Variants in ARHGEF28 observed in about 807,000 individuals in gnomAD.
ARHGEF28 encodes the protein 190 kDa guanine nucleotide exchange factor.
ARHGEF28 carries 152 observed loss-of-function variants against 206.6 expected under a neutral mutation model. That is an observed-to-expected ratio of 0.74 (90% CI 0.64 to 0.84). The LOEUF (loss-of-function observed/expected upper bound fraction) is 0.84. ARHGEF28 is among the 40% of genes least tolerant of loss of function. The pLI is 0.00. For synonymous variants in ARHGEF28, 763 were observed against 776.4 expected, an observed-to-expected ratio of 0.98 and a Z score of 0.29; for missense variants, 2,028 against 2,073.2, an observed-to-expected ratio of 0.98 and a Z score of 0.42.
At chr5:73,727,813 T>G (rs752300970) in intron 2 of ARHGEF28, among the ~76,000 whole-genome samples, 4 of 152,166 alleles carry the variant, frequency 2.6e-5, no homozygotes, top group Non-Finnish European at 4.4e-5. Flanking sequence ...TTGAACAGAA[T>G]CCCTCAGCAG....
At chr5:73,790,489 T>C (rs1375816541) in intron 7 of ARHGEF28, among the ~76,000 whole-genome samples, 1 of 152,196 alleles carries the variant, frequency 6.6e-6, no homozygotes, top group Non-Finnish European at 1.5e-5. Flanking sequence ...TTCTTCCATC[T>C]TGGTTTCTTC....
chr5:73,748,030 T>A (rs1483355100), intron 2 of ARHGEF28, among the ~76,000 whole-genome samples: 14 of 152,094 alleles, frequency 9.2e-5, no homozygotes, highest in Admixed American at 9.2e-4. Context: ...TTTTTTTATT[T>A]AAAAAAAATC....
chr5:73,913,151 G>C (rs1332675715), intron 35 of ARHGEF28, among the ~76,000 whole-genome samples: 2 of 152,228 alleles, frequency 1.3e-5, no homozygotes, highest in African/African-American at 4.8e-5. Context: ...GAAATGCTGA[G>C]AAATGTACTT....
chr5:73,806,346 GTAGA>G (rs1421992336), intron 9 of ARHGEF28, among the ~76,000 whole-genome samples: 1 of 120,528 alleles, frequency 8.3e-6, no homozygotes, highest in African/African-American at 3.4e-5. Context: ...TATATACTAT[GTAGA>G]TATACTATCT....
intron 2 of ARHGEF28, among the ~76,000 whole-genome samples, chr5:73,738,654 C>G (rs1751176240): frequency 6.6e-6 from 1 of 152,034 alleles, no homozygotes; most frequent in South Asian, 2.1e-4. Context: ...AGGAGAGGGA[C>G]TGCCTGTGGA....
At chr5:73,675,189 A>T (rs1746576110) in intron 1 of ARHGEF28, among the ~76,000 whole-genome samples, 1 of 152,168 alleles carries the variant, frequency 6.6e-6, no homozygotes, top group South Asian at 2.1e-4. Context: ...TAGTATGGGA[A>T]TTGGAGGACA....
In ARHGEF28 at chr5:73,753,074, A is replaced by G; in HGVS notation, c.347A>G (p.Gln116Arg). ...QANRLTACSH[Q>R]TLLTPFALTA... ...AATCGCCTCACAGCCTGCAGCCACCAGACCCTGCTGACCCCATTTGCCTTG... is the reference window on the plus strand; with the variant it reads ...AATCGCCTCACAGCCTGCAGCCACCGGACCCTGCTGACCCCATTTGCCTTG... Residue 116 changes from glutamine (Q) to arginine (R), a missense_variant, in exon 4 of 36, where the codon CAG becomes CGG. Transcript: ENST00000513042. The G allele has an allele frequency of 6.2e-7, 1 of 1,610,204 alleles. No individual in the cohort carries two copies. Among genetic ancestry groups the G allele is most frequent in the Non-Finnish European group, 8.5e-7 (1 of 1,178,202 alleles).
intron 7 of ARHGEF28, among the ~76,000 whole-genome samples, chr5:73,785,317 T>G (rs1425151146): frequency 2.0e-5 from 3 of 152,218 alleles, no homozygotes; most frequent in African/African-American, 7.2e-5. Flanking sequence ...GAGTCCTTTT[T>G]TCGCAGTTCT....
chr5:73,843,429 C>T (rs963691643), intron 11 of ARHGEF28, among the ~76,000 whole-genome samples: 2 of 152,206 alleles, frequency 1.3e-5, no homozygotes, highest in African/African-American at 4.8e-5. Context: ...AGAGAAGTCG[C>T]AATCCCTGGA....
intron 1 of ARHGEF28, among the ~76,000 whole-genome samples, chr5:73,636,294 C>T (rs914886709): frequency 6.6e-6 from 1 of 152,230 alleles, no homozygotes; most frequent in African/African-American, 2.4e-5. Flanking sequence ...GCATGCTTGT[C>T]TCACAATGGT....
At chr5:73,771,866 T>C (rs1580596644) in intron 4 of ARHGEF28, among the ~76,000 whole-genome samples, 1 of 152,204 alleles carries the variant, frequency 6.6e-6, no homozygotes, top group East Asian at 1.9e-4. Flanking sequence ...TTAATTTTCA[T>C]AAAGCTGAAG....
At chr5:73,757,963 G>A (rs185751499) in intron 4 of ARHGEF28, among the ~76,000 whole-genome samples, 3 of 152,098 alleles carry the variant, frequency 2.0e-5, no homozygotes, top group Admixed American at 6.5e-5. Flanking sequence ...AGGTTAACTG[G>A]GATAACACAT....
chr5:73,927,835 A>G (rs921950196), intron 35 of ARHGEF28, among the ~76,000 whole-genome samples: 1 of 152,200 alleles, frequency 6.6e-6, no homozygotes, highest in African/African-American at 2.4e-5. Flanking sequence ...AGAACACCTG[A>G]GGGTATTCAT....
chr5:73,756,736 C>A (rs564722490), intron 4 of ARHGEF28, among the ~76,000 whole-genome samples: 1 of 152,146 alleles, frequency 6.6e-6, no homozygotes, highest in East Asian at 1.9e-4. Flanking sequence ...TTAAAAAAAA[C>A]AAATTGGGCA....
At chr5:73,890,749 G>A (rs988830797) in intron 26 of ARHGEF28, among the ~76,000 whole-genome samples, 23 of 152,162 alleles carry the variant, frequency 1.5e-4, no homozygotes, top group Non-Finnish European at 2.8e-4. Flanking sequence ...TAAAGGCGTC[G>A]CTCAGTCCAT....
At chr5:73,769,392 C>T (rs909214368) in intron 4 of ARHGEF28, among the ~76,000 whole-genome samples, 6 of 152,136 alleles carry the variant, frequency 3.9e-5, no homozygotes, top group South Asian at 2.1e-4. Flanking sequence ...AGTGTTACAA[C>T]GTATGTATAT....
rs938475182 is a variant in ARHGEF28, at chr5:73,658,087, A to G, written c.-11-26754A>G. On this transcript the variant is annotated intron_variant, in intron 1 of 35. Coordinates refer to ENST00000513042, the MANE Select transcript of ARHGEF28 (RefSeq NM_001177693.2). ...AGTCCATCCAATGCTTCAAGCAATA[A>G]GGTTCTCATGTTATTCAATCCATTA... 2.6e-5 allele frequency among the ~76,000 whole-genome samples: 4 copies of G among 152,132 alleles called. No individual in the cohort carries two copies. The South Asian group carries it at 8.3e-4, about 32-fold the overall frequency.
chr5:73,747,376 TC>T (rs2112390549), intron 2 of ARHGEF28, among the ~76,000 whole-genome samples: 1 of 152,308 alleles, frequency 6.6e-6, no homozygotes, highest in South Asian at 2.1e-4. Flanking sequence ...AAGATCCCAC[TC>T]TTACCCAAAA....
chr5:73,715,227 G>A (rs951745643), intron 2 of ARHGEF28, among the ~76,000 whole-genome samples: 4 of 152,198 alleles, frequency 2.6e-5, no homozygotes, highest in Non-Finnish European at 4.4e-5. Flanking sequence ...CACAGTCAAA[G>A]CCTTGTCCTG....
Sources: allele counts gnomAD v4.1 joint callset (sites outside exome capture counted in the v4.1 genomes callset), GRCh38; gene constraint gnomAD v4.1.1; transcripts MANE v1.5; gene names NCBI Gene and HGNC (gene_info 2026-07-23, HGNC 2026-07-21).